The following DNAAF11 variants were observed in gnomAD, a reference collection of about 807,000 sequenced individuals.
DNAAF11 encodes the protein leucine rich repeat containing 6.
A neutral mutation model predicts 60.8 loss-of-function variants in DNAAF11; 45 were observed. The observed-to-expected ratio is 0.74, with a 90% CI of 0.58 to 0.95. The LOEUF (loss-of-function observed/expected upper bound fraction) is 0.95, where lower values mean the gene tolerates loss of function less well. DNAAF11 is among the 40% of genes least tolerant of loss of function. DNAAF11 has a pLI of 0.00. For missense variants in DNAAF11, 546 were observed against 546.2 expected (o/e 1.00, Z 0.00); for synonymous variants, 191 against 183.5 (o/e 1.04, Z -0.33).
intron 2 of DNAAF11, among the ~76,000 whole-genome samples, chr8:132,660,624 T>C (rs960693904): frequency 6.6e-6 from 1 of 152,148 alleles, no homozygotes; most frequent in Non-Finnish European, 1.5e-5. Flanking sequence ...CATTCTTCTG[T>C]GAGAGAAGTC....
intron 1 of DNAAF11, among the ~76,000 whole-genome samples, chr8:132,663,530 C>G (rs1364809671): frequency 3.3e-5 from 5 of 152,270 alleles, no homozygotes; most frequent in Non-Finnish European, 7.4e-5. Flanking sequence ...GTACATTTAA[C>G]AAAATGTGGA....
chr8:132,625,560 C>A (rs922863988), intron 5 of DNAAF11, 106 bp from the exon 6 acceptor site: 8 of 843,236 alleles, frequency 9.5e-6, no homozygotes, highest in Non-Finnish European at 1.4e-5. Context: ...GATCTTCTTA[C>A]CTTTGAATGA....
At chr8:132,681,154 G>A in the DNAAF11 span, among the ~76,000 whole-genome samples, 3 of 151,040 alleles carry the variant, frequency 2.0e-5, no homozygotes, top group South Asian at 4.2e-4. Flanking sequence ...GGGATTAAAG[G>A]CATGCACGAC....
chr8:132,680,076 C>T (rs1356073812), upstream of DNAAF11, among the ~76,000 whole-genome samples: 2 of 152,162 alleles, frequency 1.3e-5, no homozygotes, highest in Admixed American at 6.5e-5. Context: ...TTCTTAGAAA[C>T]AGAGGACCCA....
At chr8:132,576,954 T>C (rs1814814979) in intron 11 of DNAAF11, among the ~76,000 whole-genome samples, 1 of 152,198 alleles carries the variant, frequency 6.6e-6, no homozygotes, top group Admixed American at 6.5e-5. Context: ...CACTGATATT[T>C]CGTTTATTAT....
intron 10 of DNAAF11, among the ~76,000 whole-genome samples, chr8:132,592,944 A>G (rs78678133): frequency 0.026 from 4,006 of 152,100 alleles, 195 homozygotes; most frequent in African/African-American, 0.091. Flanking sequence ...AAATCCTGCA[A>G]ATACATATTA....
chr8:132,693,200 G>C, the DNAAF11 span, among the ~76,000 whole-genome samples: 3 of 152,086 alleles, frequency 2.0e-5, no homozygotes, highest in Non-Finnish European at 4.4e-5. Context: ...GAGAAAGCAA[G>C]ACATGGGAGA....
At chr8:132,672,889 T>G (rs1825322224) in intron 1 of DNAAF11, among the ~76,000 whole-genome samples, 2 of 152,076 alleles carry the variant, frequency 1.3e-5, no homozygotes, top group South Asian at 4.1e-4. Context: ...CCCCTCCTCA[T>G]CTCTAAAATG....
chr8:132,607,047 T>C (rs1047795385), intron 10 of DNAAF11, among the ~76,000 whole-genome samples: 2 of 152,218 alleles, frequency 1.3e-5, no homozygotes, highest in African/African-American at 4.8e-5. Flanking sequence ...CAGTAGTGTA[T>C]AGTCATCCTG....
chr8:132,678,394 A>G (rs1315987562), upstream of DNAAF11, among the ~76,000 whole-genome samples: 1 of 152,212 alleles, frequency 6.6e-6, no homozygotes, highest in East Asian at 1.9e-4. Flanking sequence ...GAGAATTCCT[A>G]ACAAGCAACT....
chr8:132,652,748 A>G (rs751981261), intron 3 of DNAAF11, among the ~76,000 whole-genome samples: 3 of 152,084 alleles, frequency 2.0e-5, no homozygotes, highest in Non-Finnish European at 4.4e-5. Flanking sequence ...CAATAAGAAC[A>G]CATGGACACA....
intron 1 of DNAAF11, among the ~76,000 whole-genome samples, chr8:132,664,267 A>C (rs150735411): frequency 1.7e-3 from 266 of 152,308 alleles, no homozygotes; most frequent in African/African-American, 6.3e-3. Context: ...ATAGAATCTT[A>C]AGCATCACTT....
At chr8:132,580,712 A>G (rs892941063) in intron 11 of DNAAF11, among the ~76,000 whole-genome samples, 1 of 152,208 alleles carries the variant, frequency 6.6e-6, no homozygotes, top group African/African-American at 2.4e-5. Context: ...TAAGATCAAA[A>G]AAAGGACAGA....
the DNAAF11 span, among the ~76,000 whole-genome samples, chr8:132,696,944 G>C: frequency 6.6e-6 from 1 of 152,122 alleles, no homozygotes; most frequent in Admixed American, 6.6e-5. Context: ...TGGGTACTAG[G>C]CTTAGTACCT....
chr8:132,594,395 A>T (rs997418354), intron 10 of DNAAF11, among the ~76,000 whole-genome samples: 1 of 152,206 alleles, frequency 6.6e-6, no homozygotes, highest in African/African-American at 2.4e-5. Context: ...ACTTATAGAG[A>T]TTGTGACTGG....
chr8:132,649,895 T>C (rs559036802), intron 3 of DNAAF11, among the ~76,000 whole-genome samples: 15 of 152,048 alleles, frequency 9.9e-5, no homozygotes, highest in African/African-American at 2.7e-4. Context: ...TGTGGAGAAA[T>C]AGGAACACTT....
the DNAAF11 span, among the ~76,000 whole-genome samples, chr8:132,683,991 G>C: frequency 1.9e-4 from 29 of 152,214 alleles, no homozygotes; most frequent in African/African-American, 6.8e-4. Context: ...TGGCCAGACT[G>C]TTTTACCTGG....
the DNAAF11 span, chr8:132,687,433 T>G: frequency 2.9e-6 from 1 of 339,916 alleles, no homozygotes; most frequent in South Asian, 2.3e-5. Flanking sequence ...ATAATTATCC[T>G]GCTCTCCAGA....
intron 10 of DNAAF11, among the ~76,000 whole-genome samples, chr8:132,591,251 C>CT (rs887510996): frequency 2.0e-5 from 3 of 151,122 alleles, no homozygotes; most frequent in African/African-American, 7.3e-5. Flanking sequence ...AACTAAAAAA[C>CT]TTTTTTTTTA....
Sources: allele counts gnomAD v4.1 joint callset (sites outside exome capture counted in the v4.1 genomes callset), GRCh38; gene constraint gnomAD v4.1.1; transcripts MANE v1.5; gene names NCBI Gene and HGNC (gene_info 2026-07-23, HGNC 2026-07-21).